NALCN: variants seen among roughly 807,000 people sequenced by gnomAD.
The protein encoded by NALCN is sodium leak channel NALCN.
A neutral mutation model predicts 225.3 loss-of-function variants in NALCN; 111 were observed. The observed-to-expected ratio is 0.49, with a 90% CI of 0.42 to 0.58. The LOEUF (loss-of-function observed/expected upper bound fraction) is 0.58, where lower values mean the gene tolerates loss of function less well. Ranked by LOEUF, NALCN falls within the 20% of genes least tolerant of loss-of-function variation. The pLI is 0.00. For synonymous variants in NALCN, 764 were observed against 769.0 expected, an observed-to-expected ratio of 0.99 and a Z score of 0.11; for missense variants, 1,378 against 2,202.4, an observed-to-expected ratio of 0.63 and a Z score of 7.49.
intron 13 of NALCN, among the ~76,000 whole-genome samples, chr13:101,219,389 C>T (rs1016392054): frequency 6.6e-5 from 10 of 152,140 alleles, no homozygotes; most frequent in Non-Finnish European, 2.9e-5. Context: ...CATGCTGAGC[C>T]TCACCCAGTA....
intron 15 of NALCN, among the ~76,000 whole-genome samples, chr13:101,163,326 G>A (rs949417352): frequency 6.6e-6 from 1 of 152,038 alleles, no homozygotes; most frequent in Non-Finnish European, 1.5e-5. Context: ...TTGTAGACTC[G>A]AGTGGACAAT....
intron 14 of NALCN, among the ~76,000 whole-genome samples, chr13:101,179,239 G>A (rs896020404): frequency 1.3e-5 from 2 of 152,182 alleles, no homozygotes; most frequent in Admixed American, 6.5e-5. Flanking sequence ...CGTGGCAACT[G>A]CCAGCCCACA....
chr13:101,396,423 A>G (rs1248663702), intron 2 of NALCN, among the ~76,000 whole-genome samples: 1 of 152,116 alleles, frequency 6.6e-6, no homozygotes, highest in Non-Finnish European at 1.5e-5. Context: ...TAATACTCTG[A>G]AAAAAATTTT....
At chr13:101,106,942 T>G (rs529031640) in intron 22 of NALCN, among the ~76,000 whole-genome samples, 1 of 152,234 alleles carries the variant, frequency 6.6e-6, no homozygotes, top group South Asian at 2.1e-4. Context: ...CCACAACTAG[T>G]GTCTTCAATG....
chr13:101,089,562 G>T lies in NALCN; in HGVS notation c.3489+101C>A. On this transcript the variant is annotated intron_variant, in intron 30 of 43. Coordinates refer to ENST00000251127, the MANE Select transcript of NALCN (RefSeq NM_052867.4). The surrounding 1 kb of genome is among the most constrained non-coding windows in gnomAD (Gnocchi z 4.7). ...GATTATTTACACCAGTCACATTACAGTTTAAAGCGGCTTCACGCCGCGTGT... is the reference window on the plus strand; with the variant it reads ...GATTATTTACACCAGTCACATTACATTTTAAAGCGGCTTCACGCCGCGTGT... 1.0e-6 allele frequency: 1 copy of T among 990,200 alleles called. No individual in the cohort carries two copies. The allele number at this position is 990,200 out of a possible 1,614,324, so 61.3% of individuals were successfully genotyped here. A position where few individuals can be genotyped will look rare whatever the true frequency, so the allele number is the denominator to read the frequency against.
At chr13:101,128,123 A>G (rs915560260) in intron 17 of NALCN, among the ~76,000 whole-genome samples, 1 of 152,208 alleles carries the variant, frequency 6.6e-6, no homozygotes, top group Non-Finnish European at 1.5e-5. Flanking sequence ...AATAAAAAGG[A>G]AGGGGATGAA....
At position 101,292,018 on chromosome 13, in the gene NALCN, C is replaced by T; in HGVS notation, c.1019G>A (p.Ser340Asn). 1.2e-6 allele frequency: 2 copies of T among 1,614,046 alleles called. No homozygotes were observed. Among genetic ancestry groups the T allele is most frequent in the South Asian group, 1.1e-5 (1 of 91,078 alleles). ...VQFQQMWGSR[S>N]STTSTATTQM... ...GGTGGTGGCTGTTGAGGTAGTGCTG[C>T]TTCTCGATCCCCACATTTGTTGAAA... is the stretch of plus-strand genomic sequence containing the variant. The change falls in exon 9 of 44, where the codon AGC becomes AAC. Residue 340 changes from serine (S) to asparagine (N), a missense_variant. By Grantham distance (46) the Ser-to-Asn change is conservative. This residue lies in a region of NALCN where 144 missense variants were observed against 187.7 expected (regional missense o/e 0.77). Transcript: ENST00000251127. The surrounding 1 kb of genome is among the most constrained non-coding windows in gnomAD (Gnocchi z 4.3).
At chr13:101,280,134 C>T (rs980596812) in intron 10 of NALCN, among the ~76,000 whole-genome samples, 7 of 152,204 alleles carry the variant, frequency 4.6e-5, no homozygotes, top group African/African-American at 9.6e-5. Context: ...AGCTCCTGCC[C>T]GGTACAAACA....
At chr13:101,150,736 AAT>A (rs1366048299) in intron 15 of NALCN, among the ~76,000 whole-genome samples, 1 of 148,910 alleles carries the variant, frequency 6.7e-6, no homozygotes, top group Admixed American at 6.8e-5. Flanking sequence ...ATGAATGAAT[AAT>A]ATATATTATA....
chr13:101,279,872 T>TAAAA (rs1436697367), intron 10 of NALCN, among the ~76,000 whole-genome samples: 6 of 147,408 alleles, frequency 4.1e-5, no homozygotes, highest in Non-Finnish European at 9.1e-5. Context: ...AATAAATAAA[T>TAAAA]AAATAAAAAG....
chr13:101,391,008 A>T (rs2047128263), intron 3 of NALCN, among the ~76,000 whole-genome samples: 1 of 152,160 alleles, frequency 6.6e-6, no homozygotes, highest in South Asian at 2.1e-4. Flanking sequence ...ATGTATACAT[A>T]TGTAACAAAC....
chr13:101,094,015 T>C (rs1164363809), intron 28 of NALCN, among the ~76,000 whole-genome samples: 1 of 152,172 alleles, frequency 6.6e-6, no homozygotes, highest in African/African-American at 2.4e-5. Flanking sequence ...TGGCCATAGG[T>C]GTTCAAGAGT....
chr13:101,384,882 TAAAAC>T (rs888315089), intron 3 of NALCN, among the ~76,000 whole-genome samples: 2 of 152,336 alleles, frequency 1.3e-5, no homozygotes, highest in South Asian at 2.1e-4. Context: ...GGAAAACACT[TAAAAC>T]AAATGCATTC....
At chr13:101,213,089 CA>C (rs2040589922) in intron 13 of NALCN, among the ~76,000 whole-genome samples, 1 of 152,032 alleles carries the variant, frequency 6.6e-6, no homozygotes, top group South Asian at 2.1e-4. Flanking sequence ...GTACTGGTAC[CA>C]AAACAGAGAT....
chr13:101,235,950 G>A (rs1272767088), intron 12 of NALCN, among the ~76,000 whole-genome samples: 1 of 152,124 alleles, frequency 6.6e-6, no homozygotes, highest in African/African-American at 2.4e-5. Context: ...TGCAATGCAT[G>A]TTCTTTTTCC....
rs757494957 is a variant in NALCN, at chr13:101,081,671, TAAAC to T, written c.3766-29_3766-26del. On this transcript the variant is annotated intron_variant, in intron 33 of 43. Coordinates refer to ENST00000251127, the MANE Select transcript of NALCN (RefSeq NM_052867.4). Reference sequence around the variant, plus strand: ...CCTGGAGAAAAAGCAAAGAAGAAAATAAACAGAGAGAGTGTTTAGTACATATTTA... The same window carrying T: ...CCTGGAGAAAAAGCAAAGAAGAAAATAGAGAGAGTGTTTAGTACATATTTA... The T allele has an allele frequency of 1.9e-6, 3 of 1,613,364 alleles. No homozygotes were observed. The South Asian group carries it at 3.3e-5, about 18-fold the overall frequency.
intron 30 of NALCN, among the ~76,000 whole-genome samples, chr13:101,086,351 A>G (rs1198138271): frequency 6.6e-6 from 1 of 152,052 alleles, no homozygotes; most frequent in East Asian, 1.9e-4. Context: ...TGATTTACCT[A>G]TACCTCATTA....
intron 17 of NALCN, among the ~76,000 whole-genome samples, chr13:101,125,893 C>G (rs1168568677): frequency 6.6e-6 from 1 of 152,118 alleles, no homozygotes; most frequent in East Asian, 1.9e-4. Flanking sequence ...GATCTTGAAA[C>G]CAGGCAAGAA....
At chr13:101,125,915 C>A (rs188661857) in intron 17 of NALCN, among the ~76,000 whole-genome samples, 1 of 152,126 alleles carries the variant, frequency 6.6e-6, no homozygotes, top group Non-Finnish European at 1.5e-5. Context: ...CCCTACAGGG[C>A]ATACTGTGTG....
Sources: allele counts gnomAD v4.1 joint callset (sites outside exome capture counted in the v4.1 genomes callset), GRCh38; gene constraint gnomAD v4.1.1; regional missense constraint gnomAD v4.1.1; non-coding constraint Gnocchi (gnomAD v3.1); transcripts MANE v1.5; gene names NCBI Gene and HGNC (gene_info 2026-07-23, HGNC 2026-07-21).